Variants in TMEM163 observed in about 807,000 individuals in gnomAD.
TMEM163 encodes the protein transmembrane protein 163.
In TMEM163, 17 loss-of-function variants were observed where a neutral mutation model predicts 29.3. The ratio of observed to expected loss-of-function variants is 0.58; its 90% confidence interval spans 0.40 to 0.87. The LOEUF (loss-of-function observed/expected upper bound fraction) is 0.87, where lower values mean the gene tolerates loss of function less well. Ranked by LOEUF, TMEM163 falls within the 40% of genes least tolerant of loss-of-function variation. The pLI is 0.00. For missense variants in TMEM163, 303 were observed against 381.5 expected (o/e 0.79, Z 1.71); for synonymous variants, 157 against 160.6 (o/e 0.98, Z 0.17).
chr2:134,465,276 TTG>T (rs773369217), intron 6 of TMEM163, among the ~76,000 whole-genome samples: 1 of 151,692 alleles, frequency 6.6e-6, no homozygotes, highest in Non-Finnish European at 1.5e-5. Context: ...TAAAACATGT[TTG>T]TGTGTACATA....
intron 2 of TMEM163, among the ~76,000 whole-genome samples, chr2:134,650,732 C>A (rs1267448247): frequency 1.6e-5 from 2 of 125,882 alleles, no homozygotes; most frequent in East Asian, 4.4e-4. Context: ...TGTGATATTC[C>A]CCTTCCTGTG....
intron 2 of TMEM163, among the ~76,000 whole-genome samples, chr2:134,591,383 T>C (rs1681931278): frequency 6.6e-6 from 1 of 152,180 alleles, no homozygotes; most frequent in East Asian, 1.9e-4. Context: ...AGGTCACTCT[T>C]GTCACCATCT....
In TMEM163 at chr2:134,456,584, C is replaced by A. The variant is rs1373388444; in HGVS notation, c.*132G>T. 7.2e-6 allele frequency: 8 copies of A among 1,118,548 alleles called. No homozygotes were observed. The highest frequency in any genetic ancestry group is 9.1e-6 in the Non-Finnish European group (7 of 767,020). The allele number at this position is 1,118,548 out of a possible 1,614,324, so 69.3% of individuals were successfully genotyped here. On this transcript the variant is annotated 3_prime_UTR_variant, in exon 8 of 8. Transcript: ENST00000281924. ...AGGTAGATCCACCTGGCTGGGCAGA[C>A]CTTGTCTTGTAATGACAAACCATGT...
chr2:134,484,082 CAGTG>C (rs1679262455), intron 5 of TMEM163, among the ~76,000 whole-genome samples: 2 of 152,118 alleles, frequency 1.3e-5, no homozygotes, highest in South Asian at 4.1e-4. Context: ...ACGAATGTTG[CAGTG>C]AGTGAGATCA....
intron 1 of TMEM163, among the ~76,000 whole-genome samples, chr2:134,717,360 G>A (rs1019585039): frequency 6.6e-6 from 1 of 152,162 alleles, no homozygotes; most frequent in Non-Finnish European, 1.5e-5. Flanking sequence ...CCTCTTAAAT[G>A]GCATCTAGTT....
At chr2:134,643,335 T>C (rs1005084115) in intron 2 of TMEM163, among the ~76,000 whole-genome samples, 1 of 152,122 alleles carries the variant, frequency 6.6e-6, no homozygotes, top group Non-Finnish European at 1.5e-5. Flanking sequence ...ATATAATCCA[T>C]AATTTACAAT....
intron 2 of TMEM163, among the ~76,000 whole-genome samples, chr2:134,670,056 C>T (rs1375633592): frequency 6.6e-6 from 1 of 152,026 alleles, no homozygotes; most frequent in Non-Finnish European, 1.5e-5. Context: ...CAATAAAGAG[C>T]GATTACTGCT....
intron 1 of TMEM163, among the ~76,000 whole-genome samples, chr2:134,716,942 C>G (rs1685051209): frequency 6.6e-6 from 1 of 152,192 alleles, no homozygotes; most frequent in Non-Finnish European, 1.5e-5. Flanking sequence ...AACAGAGAGG[C>G]TGTGTGTGAT....
chr2:134,488,831 T>G (rs1326133360), intron 5 of TMEM163, among the ~76,000 whole-genome samples: 1 of 152,058 alleles, frequency 6.6e-6, no homozygotes, highest in Non-Finnish European at 1.5e-5. Flanking sequence ...AGCAGCAATT[T>G]ATAAAAGAGG....
intron 1 of TMEM163, among the ~76,000 whole-genome samples, chr2:134,718,013 G>A (rs1156820719): frequency 6.6e-6 from 1 of 152,186 alleles, no homozygotes; most frequent in African/African-American, 2.4e-5. Flanking sequence ...CAGTGGAGGG[G>A]AGCTCTGAAG....
intron 2 of TMEM163, among the ~76,000 whole-genome samples, chr2:134,645,741 A>C (rs192074430): frequency 6.6e-6 from 1 of 152,346 alleles, no homozygotes; most frequent in Non-Finnish European, 1.5e-5. Flanking sequence ...ATACAATTTC[A>C]TTATATGACA....
intron 2 of TMEM163, among the ~76,000 whole-genome samples, chr2:134,695,919 G>C (rs1459508719): frequency 6.6e-6 from 1 of 152,102 alleles, no homozygotes; most frequent in East Asian, 1.9e-4. Context: ...AGGCGTGGTG[G>C]TGGGTGCCTG....
intron 2 of TMEM163, among the ~76,000 whole-genome samples, chr2:134,668,766 G>A (rs558052092): frequency 1.2e-3 from 181 of 151,932 alleles, no homozygotes; most frequent in Non-Finnish European, 1.9e-3. Context: ...TCTAAGAACC[G>A]AGTCACACAC....
chr2:134,652,906 A>G, intron 2 of TMEM163, among the ~76,000 whole-genome samples: 1 of 62,548 alleles, frequency 1.6e-5, no homozygotes, highest in Non-Finnish European at 3.1e-5. Context: ...CCACTTGATC[A>G]TGGTGGATAA....
At chr2:134,474,028 A>G (rs556838287) in intron 5 of TMEM163, among the ~76,000 whole-genome samples, 53 of 152,374 alleles carry the variant, frequency 3.5e-4, no homozygotes, top group African/African-American at 1.2e-3. Context: ...TGAGGCCAGC[A>G]TTACCATGAC....
chr2:134,658,513 C>T (rs539360094), intron 2 of TMEM163, among the ~76,000 whole-genome samples: 1 of 152,138 alleles, frequency 6.6e-6, no homozygotes, highest in African/African-American at 2.4e-5. Context: ...GCCTATGCCC[C>T]AGTTGTCACA....
intron 5 of TMEM163, chr2:134,469,695 C>T (rs1686751880): frequency 1.3e-5 from 2 of 152,476 alleles, no homozygotes; most frequent in South Asian, 4.1e-4. Context: ...CCCATGGATT[C>T]TCCGCTCCTG....
chr2:134,542,323 A>G (rs561307152), intron 4 of TMEM163, among the ~76,000 whole-genome samples: 2 of 152,338 alleles, frequency 1.3e-5, no homozygotes, highest in South Asian at 4.1e-4. Context: ...GGGTTCTGAA[A>G]GATGAATAAA....
chr2:134,637,554 A>C (rs1683131130), intron 2 of TMEM163, among the ~76,000 whole-genome samples: 1 of 152,336 alleles, frequency 6.6e-6, no homozygotes, highest in African/African-American at 2.4e-5. Flanking sequence ...ATAATCATAC[A>C]ATTTCACAAC....
Sources: gnomAD v4.1 joint callset for allele counts (sites outside exome capture counted in the v4.1 genomes callset) on GRCh38, gnomAD v4.1.1 for gene constraint, MANE v1.5 for transcripts, NCBI Gene and HGNC (gene_info 2026-07-23, HGNC 2026-07-21) for gene names.